The following ARID1B variants were observed in gnomAD, a reference collection of about 807,000 sequenced individuals.
ARID1B encodes AT-rich interaction domain 1B.
ARID1B carries 30 observed loss-of-function variants against 212.3 expected under a neutral mutation model. That is an observed-to-expected ratio of 0.14 (90% CI 0.11 to 0.19). ARID1B has a LOEUF of 0.19. Among genes scored for constraint, ARID1B ranks in the 10% least tolerant of loss-of-function variants. The pLI, the probability that ARID1B is intolerant of heterozygous loss-of-function variation, is 1.00. For synonymous variants in ARID1B, 1,402 were observed against 1,301.7 expected (o/e 1.08, Z -1.66); for missense variants, 2,891 against 3,204.0 (o/e 0.90, Z 2.36).
At chr6:156,957,953 A>G (rs547439881) in intron 4 of ARID1B, among the ~76,000 whole-genome samples, 3 of 152,148 alleles carry the variant, frequency 2.0e-5, no homozygotes, top group Non-Finnish European at 4.4e-5. Flanking sequence ...TTCCTCTTAG[A>G]CTTAATTCAT....
intron 2 of ARID1B, among the ~76,000 whole-genome samples, chr6:156,847,494 A>C (rs1784310285): frequency 6.6e-6 from 1 of 152,210 alleles, no homozygotes; most frequent in African/African-American, 2.4e-5. Flanking sequence ...ATCCAGAGGC[A>C]AAATGAGGTC....
At chr6:157,110,902 A>ATG (rs1383744518) in intron 6 of ARID1B, 9 of 304,096 alleles carry the variant, frequency 3.0e-5, no homozygotes, top group Non-Finnish European at 5.0e-5. Context: ...ATCAGTCCCA[A>ATG]TGTGTGTGTG....
intron 8 of ARID1B, among the ~76,000 whole-genome samples, chr6:157,157,556 C>T (rs990477949): frequency 4.6e-5 from 7 of 152,166 alleles, no homozygotes; most frequent in African/African-American, 1.7e-4. Flanking sequence ...GGTGAAGAGG[C>T]TATGACTATG....
chr6:156,858,983 C>T (rs1785136821), intron 2 of ARID1B, among the ~76,000 whole-genome samples: 1 of 152,132 alleles, frequency 6.6e-6, no homozygotes, highest in South Asian at 2.1e-4. Flanking sequence ...CATTACTGTA[C>T]ACTACTGTAG....
At chr6:157,179,004 T>TA (rs1260670419) in intron 11 of ARID1B, among the ~76,000 whole-genome samples, 1 of 152,230 alleles carries the variant, frequency 6.6e-6, no homozygotes, top group Non-Finnish European at 1.5e-5. Flanking sequence ...TTATTTGTCT[T>TA]ATCTTTAAAC....
intron 2 of ARID1B, among the ~76,000 whole-genome samples, chr6:156,896,502 G>C (rs1306831122): frequency 6.8e-6 from 1 of 147,932 alleles, no homozygotes; most frequent in Non-Finnish European, 1.5e-5. Flanking sequence ...CCTGAACCCA[G>C]GAGGCAGAGG....
chr6:157,037,592 T>C (rs886418825), intron 4 of ARID1B, among the ~76,000 whole-genome samples: 5 of 152,212 alleles, frequency 3.3e-5, no homozygotes, highest in Non-Finnish European at 5.9e-5. Flanking sequence ...AGTAGTTAAG[T>C]TTCTGTCTGT....
chr6:157,196,261 A>G lies in ARID1B; in HGVS notation c.4328A>G (p.Asn1443Ser). Residue 1443 changes from asparagine (N) to serine (S), a missense_variant, in exon 16 of 20, where the codon AAC (asparagine) becomes AGC (serine). By Grantham distance (46) the Asn-to-Ser change is conservative (BLOSUM62 1). Around this residue, in one of 7 missense-constraint regions of ARID1B, gnomAD observed 666 missense variants for 873.5 expected, o/e 0.76. Coordinates refer to ENST00000636930, the MANE Select transcript of ARID1B (RefSeq NM_001374828.1). ...CAAAGTCCCTCCGGAGCAATGTCTA[A>G]CCTGGGCATGGGGCAGCGCCAGCAG... ...YNQSPSGAMSNLGMGQRQQFP... is the reference protein window; with the variant it reads ...YNQSPSGAMSSLGMGQRQQFP... 6.2e-7 allele frequency: 1 copy of G among 1,612,602 alleles called. No homozygotes were observed. Among genetic ancestry groups the G allele is most frequent in the Non-Finnish European group, 8.5e-7 (1 of 1,179,654 alleles).
intron 4 of ARID1B, among the ~76,000 whole-genome samples, chr6:157,004,505 C>T (rs141923612): frequency 2.6e-5 from 4 of 152,284 alleles, no homozygotes; most frequent in East Asian, 1.9e-4. Context: ...GCTCGAAGAA[C>T]ACTGGGGCCA....
At chr6:156,973,068 T>C (rs1777028182) in intron 4 of ARID1B, among the ~76,000 whole-genome samples, 1 of 152,336 alleles carries the variant, frequency 6.6e-6, no homozygotes. Flanking sequence ...AGACTAATAG[T>C]CTCACATCAT....
chr6:157,210,706 CAAAAAAA>C lies in ARID1B; in HGVS notation c.*2823_*2829del, dbSNP rs201959218. On this transcript the variant is annotated 3_prime_UTR_variant, in exon 20 of 20. Transcript: ENST00000636930. ...GGATGCCCAGACTTTACATGTGTACCAAAAAAAAAAAAAAGATAAAAAATAAAGGTGC... is the reference window on the plus strand; with the variant it reads ...GGATGCCCAGACTTTACATGTGTACCAAAAAAAGATAAAAAATAAAGGTGC... The C allele has an allele frequency of 5.4e-6, 1 of 185,190 alleles. No individual in the cohort carries two copies. 11.5% of individuals were successfully genotyped at this position (185,190 alleles called of 1,614,324 possible).
At chr6:156,857,480 C>G (rs924413960) in intron 2 of ARID1B, among the ~76,000 whole-genome samples, 2 of 152,102 alleles carry the variant, frequency 1.3e-5, no homozygotes, top group Admixed American at 6.5e-5. Context: ...AAGAAGCCCT[C>G]TTGCTCAAGT....
intron 4 of ARID1B, among the ~76,000 whole-genome samples, chr6:156,993,355 T>C (rs897414252): frequency 6.6e-6 from 1 of 152,248 alleles, no homozygotes. Flanking sequence ...ATATATCTAA[T>C]GAGACCTACA....
chr6:157,185,645 C>T (rs1247183266), intron 13 of ARID1B: 2 of 152,212 alleles, frequency 1.3e-5, no homozygotes, highest in Non-Finnish European at 1.5e-5. Flanking sequence ...CCACCAGACA[C>T]CTCTGGCTGT....
intron 4 of ARID1B, among the ~76,000 whole-genome samples, chr6:156,999,301 T>G (rs140685595): frequency 6.6e-6 from 1 of 152,342 alleles, no homozygotes; most frequent in East Asian, 1.9e-4. Flanking sequence ...AGCCCAACTG[T>G]GCATACAAGT....
chr6:156,947,469 C>T (rs12663694), intron 4 of ARID1B, among the ~76,000 whole-genome samples: 4,606 of 151,754 alleles, frequency 0.03, 279 homozygotes, highest in East Asian at 0.25. Context: ...GAGTATGGGG[C>T]GATGGTGCAG....
At chr6:156,958,152 G>A (rs1046620982) in intron 4 of ARID1B, among the ~76,000 whole-genome samples, 1 of 152,170 alleles carries the variant, frequency 6.6e-6, no homozygotes, top group African/African-American at 2.4e-5. Context: ...ACCATTTGTA[G>A]TCCAATCCAT....
At chr6:156,901,753 C>T (rs911782747) in intron 3 of ARID1B, 17 of 597,406 alleles carry the variant, frequency 2.8e-5, no homozygotes, top group Non-Finnish European at 4.6e-5. Context: ...GCTTGCATTA[C>T]TGGTTAGTGG....
chr6:156,893,238 C>T (rs892419083), intron 2 of ARID1B, among the ~76,000 whole-genome samples: 10 of 152,154 alleles, frequency 6.6e-5, no homozygotes, highest in Admixed American at 6.5e-4. Flanking sequence ...ATTGGCCAGG[C>T]TGGTCTCGAA....
Sources: gnomAD v4.1 joint callset for allele counts (sites outside exome capture counted in the v4.1 genomes callset) on GRCh38, gnomAD v4.1.1 for gene constraint, gnomAD v4.1.1 regional missense constraint, MANE v1.5 for transcripts, NCBI Gene and HGNC (gene_info 2026-07-23, HGNC 2026-07-21) for gene names.